The following COL4A4 variants were observed in gnomAD, a reference collection of about 807,000 sequenced individuals.
COL4A4 encodes the protein collagen type IV alpha 4 chain, also known as collagen alpha-4(IV) chain.
COL4A4 carries 105 observed loss-of-function variants against 192.9 expected under a neutral mutation model. The observed-to-expected ratio is 0.54, with a 90% CI of 0.46 to 0.64. The LOEUF (loss-of-function observed/expected upper bound fraction) is 0.64. Ranked by LOEUF, COL4A4 falls within the 30% of genes least tolerant of loss-of-function variation. The probability of loss-of-function intolerance (pLI) is 0.00; values close to 1 mark genes in which losing one functional copy is unlikely to be tolerated. For synonymous variants in COL4A4, 762 were observed against 769.9 expected, an observed-to-expected ratio of 0.99 and a Z score of 0.17; for missense variants, 1,967 against 2,169.3, an observed-to-expected ratio of 0.91 and a Z score of 1.85.
chr2:227,162,328 T>C (rs917102447), intron 1 of COL4A4, among the ~76,000 whole-genome samples: 3 of 152,222 alleles, frequency 2.0e-5, no homozygotes, highest in Non-Finnish European at 4.4e-5. Context: ...AAATTCAAAT[T>C]GAGGAATCTT....
rs369753569 is a variant in COL4A4 at position 227,118,759 on chromosome 2, C to T, written c.375G>A (p.Gly125=). The change falls in exon 7 of 48, where the codon GGG becomes GGA. Residue 125 remains glycine, a splice_region_variant and synonymous_variant. Coordinates refer to ENST00000396625, the MANE Select transcript of COL4A4 (RefSeq NM_000092.5). ...PGFPGLDGIP[G]HPGPPGPRGK... Reference sequence around the variant, plus strand: ...CTCTGGGTCCAGGAGGCCCTGGGTGCCCCTGCAGAAAACAAAATTATAAGT... The same window carrying T: ...CTCTGGGTCCAGGAGGCCCTGGGTGTCCCTGCAGAAAACAAAATTATAAGT... The T allele has an allele frequency of 3.1e-6, 5 of 1,611,298 alleles. No homozygotes were observed. The highest frequency in any genetic ancestry group is 2.7e-5 in the African/African-American group (2 of 75,016).
At chr2:227,057,030 C>T (rs923267757) in intron 29 of COL4A4, among the ~76,000 whole-genome samples, 14 of 152,080 alleles carry the variant, frequency 9.2e-5, no homozygotes, top group African/African-American at 2.7e-4. Context: ...TGTGTTCCTA[C>T]GTCTTCCTGG....
At chr2:227,156,458 T>A (rs567039806) in intron 1 of COL4A4, among the ~76,000 whole-genome samples, 1 of 148,404 alleles carries the variant, frequency 6.7e-6, no homozygotes, top group East Asian at 2.0e-4. Context: ...AGATAAGACT[T>A]GATTTAGGAA....
downstream of COL4A4, among the ~76,000 whole-genome samples, chr2:226,999,960 T>A (rs1037647627): frequency 6.6e-6 from 1 of 152,222 alleles, no homozygotes; most frequent in Non-Finnish European, 1.5e-5. Context: ...AGTGCCTGGA[T>A]GAAAATTCTA....
chr2:227,001,454 A>AGTC (rs368656417), downstream of COL4A4, among the ~76,000 whole-genome samples: 153 of 152,256 alleles, frequency 1.0e-3, 2 homozygotes, highest in African/African-American at 3.5e-3. Context: ...AGCTTGAGAC[A>AGTC]GTCTCCAAGC....
At position 227,055,938 on chromosome 2, in the gene COL4A4, T is replaced by A; in HGVS notation, c.2716+7A>T. 1 of 1,612,618 alleles carries A rather than the reference T, an allele frequency of 6.2e-7. No homozygotes were observed. Among genetic ancestry groups the A allele is most frequent in the South Asian group, 1.1e-5 (1 of 90,920 alleles). On this transcript the variant is annotated splice_region_variant and intron_variant, in intron 30 of 47. Coordinates refer to ENST00000396625, the MANE Select transcript of COL4A4 (RefSeq NM_000092.5). ...TGGGAGGACATCATGGAAAAAGCAC[T>A]ACCTACCCTTTGGACCTGGAGGACC...
rs1576349665 is a variant in COL4A4 at position 227,077,448 on chromosome 2, A to T, written c.1987+446T>A. ...TAAGTGGGAGTTGAACAATGAGAAC[A>T]CATGGACACAGGGAGGGGAACATCA... On this transcript the variant is annotated intron_variant, in intron 25 of 47. Coordinates refer to ENST00000396625, the MANE Select transcript of COL4A4 (RefSeq NM_000092.5). Among the ~76,000 whole-genome samples the T allele has an allele frequency of 3.9e-5, 6 of 152,298 alleles. No individual in the cohort carries two copies. The South Asian group carries it at 1.2e-3, about 32-fold the overall frequency.
rs1311125506 is a variant in COL4A4 at position 227,091,884 on chromosome 2, A to C, written c.1370-1927T>G. Among the ~76,000 whole-genome samples the C allele has an allele frequency of 2.0e-5, 3 of 148,072 alleles. No individual in the cohort carries two copies. The South Asian group carries it at 6.6e-4, about 33-fold the overall frequency. ...GCACTCCAGCCTGGGCAAGAGTAAC[A>C]CTCTGTCTCAGGAAGAAAAAAGAAA... On this transcript the variant is annotated intron_variant, in intron 20 of 47. Transcript: ENST00000396625.
intron 20 of COL4A4, among the ~76,000 whole-genome samples, chr2:227,090,162 T>G (rs1364529094): frequency 6.6e-6 from 1 of 152,158 alleles, no homozygotes; most frequent in Non-Finnish European, 1.5e-5. Context: ...TATGGCATGC[T>G]TCTGCTACCA....
intron 30 of COL4A4, 129 bp from the exon 31 acceptor site, chr2:227,054,866 T>C: frequency 1.0e-6 from 1 of 987,140 alleles, no homozygotes; most frequent in Admixed American, 2.1e-5. Context: ...CTCGGCTCAT[T>C]GCAACCTCTG....
chr2:227,046,014 GTA>G (rs1454739595), intron 35 of COL4A4, among the ~76,000 whole-genome samples: 1 of 56,332 alleles, frequency 1.8e-5, no homozygotes, highest in Non-Finnish European at 3.5e-5. Flanking sequence ...TATTTAGATA[GTA>G]TATATGTATA....
rs149466995 is a variant in COL4A4 at position 227,006,834 on chromosome 2, T to G, written c.*491A>C. The stretch of plus-strand genomic sequence containing the variant: ...CCATTATTTAAAGTATATGGAAAAA[T>G]AGATTACAGAGGAAATCATTTTGAA... On this transcript the variant is annotated 3_prime_UTR_variant, in exon 48 of 48. Coordinates refer to ENST00000396625, the MANE Select transcript of COL4A4 (RefSeq NM_000092.5). 3.1e-5 allele frequency: 5 copies of G among 159,916 alleles called. No homozygotes were observed. Among genetic ancestry groups the G allele is most frequent in the Admixed American group, 5.9e-5 (1 of 16,986 alleles). The allele number at this position is 159,916 out of a possible 1,614,324, so 9.9% of individuals were successfully genotyped here.
At chr2:227,096,826 T>G (rs1315980249) in intron 19 of COL4A4, among the ~76,000 whole-genome samples, 1 of 152,194 alleles carries the variant, frequency 6.6e-6, no homozygotes, top group Non-Finnish European at 1.5e-5. Context: ...CACTAAATGC[T>G]AAGGTGGGAT....
chr2:227,033,548 C>T (rs552347400), intron 37 of COL4A4, 67 bp from the exon 38 acceptor site: 8 of 1,397,952 alleles, frequency 5.7e-6, no homozygotes, highest in African/African-American at 5.6e-5. Context: ...TAGCCACAAA[C>T]GCAGGCACTG....
At chr2:227,108,941 C>A in intron 10 of COL4A4, 73 bp from the exon 11 acceptor site, 1 of 1,417,384 alleles carries the variant, frequency 7.1e-7, no homozygotes. Flanking sequence ...TTTTGTTACC[C>A]CAAAATAGGG....
intron 29 of COL4A4, 81 bp downstream of exon 29, chr2:227,057,358 C>T (rs547373395): frequency 1.7e-4 from 247 of 1,472,876 alleles, no homozygotes; most frequent in Non-Finnish European, 5.6e-6. Context: ...CTTCTGGCAG[C>T]ATCCATAAAA....
chr2:227,101,427 T>C, intron 17 of COL4A4, 77 bp downstream of exon 17: 1 of 1,171,712 alleles, frequency 8.5e-7, no homozygotes. Flanking sequence ...TTCCTGGCAA[T>C]ACTTCTAAAA....
At chr2:226,989,654 G>A in the COL4A4 span, among the ~76,000 whole-genome samples, 1 of 152,136 alleles carries the variant, frequency 6.6e-6, no homozygotes, top group African/African-American at 2.4e-5. Flanking sequence ...ACCATATCTT[G>A]TCTATATTGC....
chr2:227,010,630 T>C, intron 45 of COL4A4, 129 bp from the exon 46 acceptor site: 1 of 677,876 alleles, frequency 1.5e-6, no homozygotes, highest in South Asian at 2.5e-5. Context: ...CAGCCCCTCC[T>C]CGCCTTCTGG....
Sources: gnomAD v4.1 joint callset for allele counts (sites outside exome capture counted in the v4.1 genomes callset) on GRCh38, gnomAD v4.1.1 for gene constraint, MANE v1.5 for transcripts, NCBI Gene and HGNC (gene_info 2026-07-23, HGNC 2026-07-21) for gene names.